RBFOX1: variants seen among roughly 807,000 people sequenced by gnomAD.
The protein encoded by RBFOX1 is RNA binding protein fox-1 homolog 1.
In RBFOX1, 8 loss-of-function variants were observed where a neutral mutation model predicts 57.7. That is an observed-to-expected ratio of 0.14 (90% CI 0.08 to 0.25). The LOEUF (loss-of-function observed/expected upper bound fraction) is 0.25. Ranked by LOEUF, RBFOX1 falls within the 10% of genes least tolerant of loss-of-function variation. The pLI is 1.00. For synonymous variants in RBFOX1, 326 were observed against 222.4 expected, an observed-to-expected ratio of 1.47 and a Z score of -4.15; for missense variants, 611 against 548.5, an observed-to-expected ratio of 1.11 and a Z score of -1.14.
At chr16:6,322,389 A>T (rs2081913839) in intron 2 of RBFOX1, among the ~76,000 whole-genome samples, 1 of 152,168 alleles carries the variant, frequency 6.6e-6, no homozygotes, top group Non-Finnish European at 1.5e-5. Flanking sequence ...CTTGATATCT[A>T]AACATGTTTA....
intron 3 of RBFOX1, among the ~76,000 whole-genome samples, chr16:5,815,791 A>C (rs1459539163): frequency 6.6e-6 from 1 of 152,206 alleles, no homozygotes; most frequent in African/African-American, 2.4e-5. Context: ...TTCTCAGGAA[A>C]CAGTGGAGCC....
chr16:7,318,532 C>A (rs1244562477), intron 4 of RBFOX1, among the ~76,000 whole-genome samples: 2 of 152,164 alleles, frequency 1.3e-5, no homozygotes, highest in Non-Finnish European at 2.9e-5. Context: ...ATTGTCTCAT[C>A]TGTGAGATGG....
chr16:5,735,832 C>T (rs1718900685), intron 3 of RBFOX1, among the ~76,000 whole-genome samples: 1 of 152,202 alleles, frequency 6.6e-6, no homozygotes, highest in Non-Finnish European at 1.5e-5. Context: ...GCCAAGATGG[C>T]ACCACTGCAC....
chr16:7,072,873 C>G (rs1842061), intron 4 of RBFOX1, among the ~76,000 whole-genome samples: 124,040 of 152,166 alleles, frequency 0.82, 51,202 homozygotes, highest in African/African-American at 0.94. Flanking sequence ...GAAGAATTTA[C>G]AAGTTGGGGA....
At chr16:6,669,317 G>A (rs148845720) in intron 3 of RBFOX1, among the ~76,000 whole-genome samples, 2,963 of 152,184 alleles carry the variant, frequency 0.019, 49 homozygotes, top group Middle Eastern at 0.027. Flanking sequence ...TTCTTATATT[G>A]TGCTTCTTTT....
At chr16:7,596,851 G>T (rs914313211) in intron 8 of RBFOX1, among the ~76,000 whole-genome samples, 1 of 152,128 alleles carries the variant, frequency 6.6e-6, no homozygotes, top group African/African-American at 2.4e-5. Context: ...CGATGTAAAA[G>T]GCTCTTGTTC....
chr16:7,250,973 CTAAT>C (rs1232651213), intron 4 of RBFOX1, among the ~76,000 whole-genome samples: 1 of 151,690 alleles, frequency 6.6e-6, no homozygotes, highest in Non-Finnish European at 1.5e-5. Context: ...CGAAGTCAGG[CTAAT>C]TAATACGTGT....
At chr16:6,910,551 A>G (rs143298234) in intron 3 of RBFOX1, among the ~76,000 whole-genome samples, 2 of 152,270 alleles carry the variant, frequency 1.3e-5, no homozygotes, top group African/African-American at 4.8e-5. Flanking sequence ...GAAGTCCAAA[A>G]CGGCCCCTAT....
chr16:6,977,096 A>C (rs2087164855), intron 3 of RBFOX1, among the ~76,000 whole-genome samples: 1 of 143,880 alleles, frequency 7.0e-6, no homozygotes, highest in Non-Finnish European at 1.5e-5. Context: ...TATTTTATAT[A>C]TATATCATAT....
At chr16:5,575,603 G>T (rs2046425097) in intron 2 of RBFOX1, among the ~76,000 whole-genome samples, 1 of 152,202 alleles carries the variant, frequency 6.6e-6, no homozygotes, top group African/African-American at 2.4e-5. Flanking sequence ...CAGGGTTGGA[G>T]CTACCTGTCT....
intron 2 of RBFOX1, among the ~76,000 whole-genome samples, chr16:6,566,264 G>T (rs1013148989): frequency 6.6e-6 from 1 of 152,134 alleles, no homozygotes. Flanking sequence ...AAAGCCACAG[G>T]CCAGTCTCAC....
rs201782400 is a variant in RBFOX1, at chr16:6,197,591, C to G, written c.-126-119404C>G. Among the ~76,000 whole-genome samples, 27 of 151,972 alleles carry G rather than the reference C, an allele frequency of 1.8e-4. No homozygotes were observed. In the East Asian group the frequency reaches 4.4e-3, roughly 25 times the overall value. ...CAAAGACAAAACCAGATAATAGGAACAGTAGAGGACCAGGATCACCTGTTT... is the reference window on the plus strand; with the variant it reads ...CAAAGACAAAACCAGATAATAGGAAGAGTAGAGGACCAGGATCACCTGTTT... On this transcript the variant is annotated intron_variant, in intron 1 of 15. Coordinates refer to ENST00000550418, the MANE Select transcript of RBFOX1 (RefSeq NM_018723.4).
At chr16:7,224,871 T>A (rs532028464) in intron 4 of RBFOX1, among the ~76,000 whole-genome samples, 1 of 152,250 alleles carries the variant, frequency 6.6e-6, no homozygotes, top group South Asian at 2.1e-4. Flanking sequence ...AATGTGCACT[T>A]TACCACGACT....
At chr16:6,070,790 GTAA>G (rs1169903096) in intron 1 of RBFOX1, among the ~76,000 whole-genome samples, 1 of 151,500 alleles carries the variant, frequency 6.6e-6, no homozygotes, top group African/African-American at 2.4e-5. Flanking sequence ...TAGCTCCTAG[GTAA>G]TAAAATTATA....
In RBFOX1 at chr16:6,728,631, C is replaced by T. The variant is rs149695505; in HGVS notation, c.-16+73981C>T. Among the ~76,000 whole-genome samples, 241 of 152,258 alleles carry T rather than the reference C, an allele frequency of 1.6e-3. 2 individuals are homozygous for T. Among genetic ancestry groups the T allele is most frequent in the African/African-American group, 5.2e-3 (218 of 41,544 alleles). ...GCTGCCTCATATTGGAGCTGCCCCA[C>T]GCTGGCTAATGTTGGATATTGATTC... On this transcript the variant is annotated intron_variant, in intron 3 of 15. Transcript: ENST00000550418.
At chr16:6,388,913 T>C (rs1294446495) in intron 2 of RBFOX1, among the ~76,000 whole-genome samples, 1 of 152,176 alleles carries the variant, frequency 6.6e-6, no homozygotes, top group African/African-American at 2.4e-5. Context: ...GAATGGCGGT[T>C]TCCAGGGGCT....
intron 7 of RBFOX1, among the ~76,000 whole-genome samples, chr16:7,591,718 C>T (rs953806864): frequency 2.0e-5 from 3 of 152,128 alleles, no homozygotes; most frequent in Non-Finnish European, 4.4e-5. Context: ...ATTTTTTAAG[C>T]AGTTACACAT....
intron 2 of RBFOX1, among the ~76,000 whole-genome samples, chr16:6,639,038 C>T (rs2098465971): frequency 6.6e-6 from 1 of 152,194 alleles, no homozygotes; most frequent in Non-Finnish European, 1.5e-5. Context: ...AGACCTGTGG[C>T]CCCACCCAGC....
intron 4 of RBFOX1, among the ~76,000 whole-genome samples, chr16:7,104,510 A>C (rs2063234899): frequency 6.6e-6 from 1 of 152,168 alleles, no homozygotes; most frequent in Non-Finnish European, 1.5e-5. Context: ...CAAGATCCTG[A>C]CTTTAAAAGC....
Sources: allele counts gnomAD v4.1 joint callset (sites outside exome capture counted in the v4.1 genomes callset), GRCh38; gene constraint gnomAD v4.1.1; transcripts MANE v1.5; gene names NCBI Gene and HGNC (gene_info 2026-07-23, HGNC 2026-07-21).